LOC122539214: variants seen among roughly 807,000 people sequenced by gnomAD.
At chr19:52,675,439 G>A in the LOC122539214 span, among the ~76,000 whole-genome samples, 4 of 152,266 alleles carry the variant, frequency 2.6e-5, no homozygotes, top group Middle Eastern at 3.4e-3. Flanking sequence ...GGACACAAGC[G>A]CTGAGCTGCG....
chr19:52,682,071 T>C, the LOC122539214 span, among the ~76,000 whole-genome samples: 1 of 152,056 alleles, frequency 6.6e-6, no homozygotes, highest in Non-Finnish European at 1.5e-5. Flanking sequence ...TGGTATTGAA[T>C]TCCCGACCTC....
At chr19:52,666,381 T>C in the LOC122539214 span, among the ~76,000 whole-genome samples, 1 of 152,012 alleles carries the variant, frequency 6.6e-6, no homozygotes, top group Non-Finnish European at 1.5e-5. Context: ...TCCATGACCC[T>C]ATAACACTCC....
chr19:52,676,460 G>T, the LOC122539214 span, among the ~76,000 whole-genome samples: 1 of 151,978 alleles, frequency 6.6e-6, no homozygotes, highest in African/African-American at 2.4e-5. Context: ...GATGTGAGGA[G>T]CCTGCCCCGG....
chr19:52,685,897 CAAAAAAAAAAA>C, the LOC122539214 span, among the ~76,000 whole-genome samples: 17 of 132,550 alleles, frequency 1.3e-4, no homozygotes, highest in East Asian at 2.4e-4. Context: ...GTAACTGTCA[CAAAAAAAAAAA>C]AAAAAAAAAA....
chr19:52,668,458 C>T, the LOC122539214 span, among the ~76,000 whole-genome samples: 2 of 152,134 alleles, frequency 1.3e-5, no homozygotes. Flanking sequence ...AACTCTAACC[C>T]AACTTTAGAG....
the LOC122539214 span, among the ~76,000 whole-genome samples, chr19:52,657,606 G>C: frequency 6.6e-6 from 1 of 152,184 alleles, no homozygotes; most frequent in South Asian, 2.1e-4. Flanking sequence ...CCAGCACTTT[G>C]GGATGCCAAG....
At chr19:52,667,935 A>G in the LOC122539214 span, among the ~76,000 whole-genome samples, 1 of 152,200 alleles carries the variant, frequency 6.6e-6, no homozygotes, top group African/African-American at 2.4e-5. Context: ...ATAAAATGGT[A>G]TTTGGCTTTC....
the LOC122539214 span, among the ~76,000 whole-genome samples, chr19:52,656,954 C>G: frequency 6.6e-6 from 1 of 151,424 alleles, no homozygotes; most frequent in African/African-American, 2.4e-5. Flanking sequence ...CTTCAATTAA[C>G]TTCAGTCGGG....
the LOC122539214 span, chr19:52,654,397 G>C: frequency 1.8e-6 from 2 of 1,131,466 alleles, no homozygotes; most frequent in East Asian, 4.8e-5. Context: ...GGATTTTAAA[G>C]AGCTATCTAA....
At chr19:52,678,128 A>C in the LOC122539214 span, among the ~76,000 whole-genome samples, 1 of 152,032 alleles carries the variant, frequency 6.6e-6, no homozygotes, top group African/African-American at 2.4e-5. Flanking sequence ...GAAAAACAAT[A>C]ATGCGCTAAC....
chr19:52,683,228 C>CTGTGTGTGTGTGTGTGTGTGTG, the LOC122539214 span, among the ~76,000 whole-genome samples: 5 of 127,970 alleles, frequency 3.9e-5, no homozygotes, highest in Non-Finnish European at 8.4e-5. Flanking sequence ...CCCTGTGACT[C>CTGTGTGTGTGTGTGTGTGTGTG]TGTGTGTGTG....
chr19:52,667,232 A>G, the LOC122539214 span, among the ~76,000 whole-genome samples: 1 of 151,752 alleles, frequency 6.6e-6, no homozygotes, highest in Non-Finnish European at 1.5e-5. Context: ...TTGAAAAAAA[A>G]AAAAAAAAAA....
chr19:52,690,179 T>C, the LOC122539214 span, among the ~76,000 whole-genome samples: 2 of 93,272 alleles, frequency 2.1e-5, no homozygotes, highest in Non-Finnish European at 2.1e-5. Context: ...AAAATGATTT[T>C]GAGAAAAAAA....
At chr19:52,668,090 A>C in the LOC122539214 span, among the ~76,000 whole-genome samples, 1 of 152,122 alleles carries the variant, frequency 6.6e-6, no homozygotes, top group African/African-American at 2.4e-5. Context: ...TTTATCCTCC[A>C]CCTTCTCTTC....
chr19:52,656,210 C>A, the LOC122539214 span, among the ~76,000 whole-genome samples: 11 of 54,978 alleles, frequency 2.0e-4, no homozygotes, highest in African/African-American at 1.2e-3. Context: ...GAGACTCCGT[C>A]TCTCTCTCTC....
At chr19:52,683,785 C>T in the LOC122539214 span, among the ~76,000 whole-genome samples, 1 of 152,150 alleles carries the variant, frequency 6.6e-6, no homozygotes, top group Non-Finnish European at 1.5e-5. Flanking sequence ...AATGTGGGAA[C>T]ATCCTCACAT....
the LOC122539214 span, among the ~76,000 whole-genome samples, chr19:52,676,601 T>C: frequency 0.22 from 32,287 of 145,428 alleles, 3,628 homozygotes; most frequent in African/African-American, 0.25. Flanking sequence ...CCCCTCTGCC[T>C]GGCCACCACC....
chr19:52,654,179 T>A, the LOC122539214 span: 2 of 1,601,312 alleles, frequency 1.2e-6, no homozygotes, highest in Middle Eastern at 1.7e-4. Context: ...CGTCGGTCTG[T>A]ACTACCAGTC....
chr19:52,657,307 A>G, the LOC122539214 span, among the ~76,000 whole-genome samples: 1 of 152,168 alleles, frequency 6.6e-6, no homozygotes, highest in Non-Finnish European at 1.5e-5. Context: ...ATCAGAATAC[A>G]TTATGTAAAT....
Sources: allele counts gnomAD v4.1 joint callset (sites outside exome capture counted in the v4.1 genomes callset), GRCh38; gene constraint gnomAD v4.1.1; transcripts MANE v1.5.